Variants in BBS12 observed in about 807,000 individuals in gnomAD.
The protein encoded by BBS12 is chaperonin-containing T-complex member BBS12.
Under a neutral mutation model 5.6 loss-of-function variants are expected in BBS12, and 5 were observed. That is an observed-to-expected ratio of 0.89 (90% CI 0.46 to 1.86). BBS12 has a LOEUF of 1.86. Ranked by LOEUF, BBS12 falls within the 40% of genes most tolerant of loss-of-function variation. BBS12 has a pLI of 0.01. For synonymous variants in BBS12, 308 were observed against 306.8 expected (o/e 1.00, Z -0.04); for missense variants, 748 against 830.4 (o/e 0.90, Z 1.22).
the BBS12 span, among the ~76,000 whole-genome samples, chr4:122,716,704 TAC>T: frequency 2.3e-3 from 300 of 131,668 alleles, 11 homozygotes; most frequent in African/African-American, 9.3e-3. Context: ...TGTGTGTGTA[TAC>T]ATACACATAT....
the BBS12 span, among the ~76,000 whole-genome samples, chr4:122,701,491 T>A: frequency 3.3e-5 from 5 of 152,340 alleles, no homozygotes; most frequent in South Asian, 4.1e-4. Flanking sequence ...TCTGTCTGCA[T>A]AGATCTAGAC....
chr4:122,726,003 A>G, the BBS12 span, among the ~76,000 whole-genome samples: 10 of 152,080 alleles, frequency 6.6e-5, no homozygotes, highest in Admixed American at 6.5e-4. Flanking sequence ...CCTTCTAGAC[A>G]ATGGCTTAGG....
Position 122,737,141 on chromosome 4 carries a change from T to G in BBS12, c.-11+4257T>G, listed in dbSNP as rs148427115. Among the ~76,000 whole-genome samples, 404 of 152,330 alleles carry G rather than the reference T, an allele frequency of 2.7e-3. 3 individuals are homozygous for G. Among genetic ancestry groups the G allele is most frequent in the Middle Eastern group, 0.01 (3 of 294 alleles). On this transcript the variant is annotated intron_variant, in intron 1 of 1. Transcript: ENST00000314218. Reference sequence around the variant, plus strand: ...TTCTCTCTGACTTTTCTACTCGTAGTAATATCTTGTGATTTAAGCATAGTA... The same window carrying G: ...TTCTCTCTGACTTTTCTACTCGTAGGAATATCTTGTGATTTAAGCATAGTA...
chr4:122,744,149 C>G lies in BBS12; in HGVS notation c.*124C>G. On this transcript the variant is annotated 3_prime_UTR_variant, in exon 2 of 2. Coordinates refer to ENST00000314218, the MANE Select transcript of BBS12 (RefSeq NM_152618.3). ...TTGCCAAGAAGAAAATAGTTGATGT[C>G]TGTCAATAACTGTGCATGGTCTGAG... 4.2e-6 allele frequency: 4 copies of G among 951,138 alleles called. No homozygotes were observed. The highest frequency in any genetic ancestry group is 6.5e-6 in the Non-Finnish European group (4 of 612,754). The allele number at this position is 951,138 out of a possible 1,614,324, so 58.9% of individuals were successfully genotyped here.
At chr4:122,733,553 A>G (rs1487469887) in intron 1 of BBS12, among the ~76,000 whole-genome samples, 4 of 152,158 alleles carry the variant, frequency 2.6e-5, no homozygotes, top group Admixed American at 2.6e-4. Flanking sequence ...CTAGATTTAG[A>G]TACTTGTGAA....
At chr4:122,704,426 G>A in the BBS12 span, among the ~76,000 whole-genome samples, 1 of 152,200 alleles carries the variant, frequency 6.6e-6, no homozygotes, top group Admixed American at 6.5e-5. Context: ...ACTGTGACCT[G>A]ACCAAGGACA....
chr4:122,706,689 A>G, the BBS12 span, among the ~76,000 whole-genome samples: 1 of 152,200 alleles, frequency 6.6e-6, no homozygotes, highest in Non-Finnish European at 1.5e-5. Context: ...ACCTTCTTTC[A>G]TGTCTTCAAG....
the BBS12 span, among the ~76,000 whole-genome samples, chr4:122,717,021 C>T: frequency 6.6e-6 from 1 of 152,126 alleles, no homozygotes; most frequent in Non-Finnish European, 1.5e-5. Context: ...AAGACCTCAA[C>T]GCCCTCTAGT....
intron 1 of BBS12, among the ~76,000 whole-genome samples, chr4:122,736,078 CAA>C (rs1231432918): frequency 3.3e-5 from 5 of 151,966 alleles, no homozygotes; most frequent in African/African-American, 9.7e-5. Context: ...CAAAGCATTA[CAA>C]AAAGAGGCCA....
At chr4:122,706,704 G>C in the BBS12 span, among the ~76,000 whole-genome samples, 1 of 152,188 alleles carries the variant, frequency 6.6e-6, no homozygotes, top group African/African-American at 2.4e-5. Flanking sequence ...TTCAAGGTAA[G>C]ACTCTCATTT....
intron 1 of BBS12, among the ~76,000 whole-genome samples, chr4:122,733,364 C>A: frequency 7.0e-6 from 1 of 142,324 alleles, no homozygotes; most frequent in African/African-American, 2.7e-5. Flanking sequence ...TCGGACCCCG[C>A]CCTCCAACCC....
At chr4:122,717,503 A>C in the BBS12 span, among the ~76,000 whole-genome samples, 1 of 152,194 alleles carries the variant, frequency 6.6e-6, no homozygotes, top group African/African-American at 2.4e-5. Flanking sequence ...CCACAAAAAA[A>C]ATCACCATTT....
chr4:122,713,936 G>A, the BBS12 span, among the ~76,000 whole-genome samples: 1 of 152,036 alleles, frequency 6.6e-6, no homozygotes, highest in Admixed American at 6.6e-5. Flanking sequence ...AACTACTTTG[G>A]GGAATAATTT....
At chr4:122,709,202 G>A in the BBS12 span, among the ~76,000 whole-genome samples, 1 of 152,132 alleles carries the variant, frequency 6.6e-6, no homozygotes, top group Non-Finnish European at 1.5e-5. Flanking sequence ...TTAACATCTT[G>A]ATTGACATAA....
the BBS12 span, among the ~76,000 whole-genome samples, chr4:122,712,462 A>G: frequency 6.6e-6 from 1 of 152,218 alleles, no homozygotes; most frequent in African/African-American, 2.4e-5. Context: ...GCTAATTACT[A>G]TTGGCATTTT....
At chr4:122,717,529 TTTTG>T in the BBS12 span, among the ~76,000 whole-genome samples, 1 of 152,182 alleles carries the variant, frequency 6.6e-6, no homozygotes, top group African/African-American at 2.4e-5. Context: ...ACTTTTCTGC[TTTTG>T]TTTCTTTTTT....
chr4:122,716,669 A>ACACG, the BBS12 span, among the ~76,000 whole-genome samples: 5 of 78,382 alleles, frequency 6.4e-5, no homozygotes, highest in African/African-American at 2.5e-4. Context: ...ACATACACAT[A>ACACG]TGTGTATATA....
the BBS12 span, among the ~76,000 whole-genome samples, chr4:122,703,974 G>T: frequency 0.032 from 4,885 of 152,078 alleles, 169 homozygotes; most frequent in East Asian, 0.12. Context: ...TCAGCCTCTC[G>T]AACAGCTGGG....
the BBS12 span, among the ~76,000 whole-genome samples, chr4:122,715,298 A>G: frequency 6.7e-6 from 1 of 150,288 alleles, no homozygotes. Flanking sequence ...CACTTTCACC[A>G]TCAGAGTCCT....
Sources: gnomAD v4.1 joint callset for allele counts (sites outside exome capture counted in the v4.1 genomes callset) on GRCh38, gnomAD v4.1.1 for gene constraint, MANE v1.5 for transcripts, NCBI Gene and HGNC (gene_info 2026-07-23, HGNC 2026-07-21) for gene names.